Variants in ENTREP2 observed in about 807,000 individuals in gnomAD.
ENTREP2 encodes the protein endosomal transmembrane epsin interactor 2.
the ENTREP2 span, among the ~76,000 whole-genome samples, chr15:29,177,057 A>C: frequency 6.6e-6 from 1 of 152,164 alleles, no homozygotes; most frequent in African/African-American, 2.4e-5. Flanking sequence ...GGGTGGGAGA[A>C]GGAAGAGTTG....
the ENTREP2 span, among the ~76,000 whole-genome samples, chr15:29,477,291 G>A: frequency 0.51 from 77,739 of 151,962 alleles, 21,071 homozygotes; most frequent in African/African-American, 0.71. Flanking sequence ...ACCTTGAGGT[G>A]CAACTGATGT....
At chr15:29,642,696 T>A in the ENTREP2 span, among the ~76,000 whole-genome samples, 1 of 151,972 alleles carries the variant, frequency 6.6e-6, no homozygotes, top group Non-Finnish European at 1.5e-5. Flanking sequence ...CACTGCAACC[T>A]CTGCCTCCCA....
At chr15:29,637,855 G>A in the ENTREP2 span, among the ~76,000 whole-genome samples, 5 of 152,176 alleles carry the variant, frequency 3.3e-5, no homozygotes, top group East Asian at 1.9e-4. Flanking sequence ...CAAGCTCGTC[G>A]CACTGCCAAC....
At chr15:29,189,295 G>A in the ENTREP2 span, among the ~76,000 whole-genome samples, 2 of 152,140 alleles carry the variant, frequency 1.3e-5, no homozygotes, top group Non-Finnish European at 2.9e-5. Flanking sequence ...GTTGAACTGA[G>A]CACACCCAGC....
the ENTREP2 span, among the ~76,000 whole-genome samples, chr15:29,540,285 A>G: frequency 6.6e-6 from 1 of 152,212 alleles, no homozygotes; most frequent in Non-Finnish European, 1.5e-5. Flanking sequence ...GAAATGTATT[A>G]TACACACTGT....
the ENTREP2 span, among the ~76,000 whole-genome samples, chr15:29,657,453 C>T: frequency 1.6e-5 from 2 of 128,952 alleles, no homozygotes; most frequent in East Asian, 2.3e-4. Context: ...GAAGTGGACC[C>T]CTGCGAGTTG....
At chr15:29,653,812 C>G in the ENTREP2 span, among the ~76,000 whole-genome samples, 4 of 151,336 alleles carry the variant, frequency 2.6e-5, no homozygotes, top group African/African-American at 7.3e-5. Context: ...TATTCTTGTC[C>G]TTAATACACG....
the ENTREP2 span, among the ~76,000 whole-genome samples, chr15:29,609,330 A>G: frequency 6.7e-6 from 1 of 150,210 alleles, no homozygotes; most frequent in Non-Finnish European, 1.5e-5. Context: ...TATCACAATC[A>G]ATGTGCCCTA....
At chr15:29,430,088 G>A in the ENTREP2 span, among the ~76,000 whole-genome samples, 17,580 of 152,194 alleles carry the variant, frequency 0.12, 1,176 homozygotes, top group East Asian at 0.32. Flanking sequence ...GGGAAAACCT[G>A]GGAATGGAGG....
chr15:29,277,345 GA>G, the ENTREP2 span, among the ~76,000 whole-genome samples: 855 of 123,560 alleles, frequency 6.9e-3, 2 homozygotes, highest in Middle Eastern at 0.02. Context: ...CCGTCTCAAA[GA>G]AAAAAAAAAA....
the ENTREP2 span, among the ~76,000 whole-genome samples, chr15:29,473,123 G>A: frequency 6.6e-6 from 1 of 152,140 alleles, no homozygotes; most frequent in Non-Finnish European, 1.5e-5. Context: ...ACAGGACGGT[G>A]TTTTTCCAGC....
the ENTREP2 span, among the ~76,000 whole-genome samples, chr15:29,165,702 C>T: frequency 6.6e-6 from 1 of 152,016 alleles, no homozygotes; most frequent in Non-Finnish European, 1.5e-5. Flanking sequence ...TTACCAACAA[C>T]AAAAAATGTC....
the ENTREP2 span, among the ~76,000 whole-genome samples, chr15:29,154,808 C>T: frequency 4.8e-4 from 73 of 152,320 alleles, 2 homozygotes; most frequent in East Asian, 9.1e-3. Context: ...CATCACTGCC[C>T]AATCCCCTTC....
At chr15:29,625,465 G>T in the ENTREP2 span, among the ~76,000 whole-genome samples, 4 of 151,638 alleles carry the variant, frequency 2.6e-5, no homozygotes, top group African/African-American at 9.7e-5. Context: ...GCACCATCTC[G>T]GCTCACTGCA....
the ENTREP2 span, among the ~76,000 whole-genome samples, chr15:29,561,828 G>A: frequency 6.6e-6 from 1 of 152,200 alleles, no homozygotes; most frequent in Non-Finnish European, 1.5e-5. Flanking sequence ...TTGAAAGAGA[G>A]AGGTTTGACC....
chr15:29,440,045 T>C, the ENTREP2 span, among the ~76,000 whole-genome samples: 1 of 152,134 alleles, frequency 6.6e-6, no homozygotes, highest in Admixed American at 6.5e-5. Context: ...TTCTACAAAA[T>C]ACCTGATCCA....
the ENTREP2 span, among the ~76,000 whole-genome samples, chr15:29,334,475 G>A: frequency 6.6e-6 from 1 of 152,202 alleles, no homozygotes; most frequent in Non-Finnish European, 1.5e-5. Flanking sequence ...TGAAAGGCAT[G>A]TTTTCATAGT....
chr15:29,461,648 T>C, the ENTREP2 span, among the ~76,000 whole-genome samples: 11 of 152,156 alleles, frequency 7.2e-5, no homozygotes, highest in East Asian at 2.1e-3. Flanking sequence ...CTAATTTTTG[T>C]ACTTTTGGTA....
the ENTREP2 span, among the ~76,000 whole-genome samples, chr15:29,253,118 A>C: frequency 6.6e-6 from 1 of 152,228 alleles, no homozygotes; most frequent in Non-Finnish European, 1.5e-5. Flanking sequence ...AAATTCATTA[A>C]TATCATCAGA....
Sources: gnomAD v4.1 joint callset for allele counts (sites outside exome capture counted in the v4.1 genomes callset) on GRCh38, gnomAD v4.1.1 for gene constraint, MANE v1.5 for transcripts, NCBI Gene and HGNC (gene_info 2026-07-23, HGNC 2026-07-21) for gene names.